Variants in DTNA observed in about 807,000 individuals in gnomAD.
The protein encoded by DTNA is dystrobrevin alpha, also known as dystrophin-related protein 3.
Under a neutral mutation model 100.7 loss-of-function variants are expected in DTNA, and 43 were observed. The ratio of observed to expected loss-of-function variants is 0.43; its 90% CI spans 0.33 to 0.55. The LOEUF is 0.55. Ranked by LOEUF, DTNA falls within the 20% of genes least tolerant of loss-of-function variation. DTNA has a pLI of 0.04. For missense variants in DTNA, 798 were observed against 953.9 expected (o/e 0.84, Z 2.15); for synonymous variants, 349 against 347.9 (o/e 1.00, Z -0.04).
intron 1 of DTNA, among the ~76,000 whole-genome samples, chr18:34,730,434 G>A (rs545436792): frequency 6.4e-4 from 98 of 152,302 alleles, no homozygotes; most frequent in Non-Finnish European, 1.2e-3. Flanking sequence ...GGTTAGTCTG[G>A]AGCTAATTCC....
intron 1 of DTNA, among the ~76,000 whole-genome samples, chr18:34,583,431 C>T (rs1046977014): frequency 6.6e-6 from 1 of 152,020 alleles, no homozygotes; most frequent in African/African-American, 2.4e-5. Flanking sequence ...AGAGTGAAGG[C>T]AGAGAATTAC....
At chr18:34,873,484 G>C (rs1350598593) in intron 17 of DTNA, among the ~76,000 whole-genome samples, 2 of 152,220 alleles carry the variant, frequency 1.3e-5, no homozygotes, top group Non-Finnish European at 2.9e-5. Context: ...TGTCTCCATT[G>C]AGGGACTTTT....
intron 3 of DTNA, among the ~76,000 whole-genome samples, chr18:34,777,240 A>C (rs1237240788): frequency 6.6e-6 from 1 of 152,132 alleles, no homozygotes; most frequent in Non-Finnish European, 1.5e-5. Flanking sequence ...TATCCCCCAT[A>C]CCTGGAACAT....
At chr18:34,572,943 G>C (rs1013382842) in intron 1 of DTNA, among the ~76,000 whole-genome samples, 2 of 152,070 alleles carry the variant, frequency 1.3e-5, no homozygotes, top group African/African-American at 2.4e-5. Flanking sequence ...CCTGAGCCCA[G>C]GGCAAGTCAC....
At chr18:34,872,223 G>C (rs1370658872) in intron 17 of DTNA, among the ~76,000 whole-genome samples, 1 of 152,156 alleles carries the variant, frequency 6.6e-6, no homozygotes, top group Admixed American at 6.5e-5. Context: ...AGACCCACAG[G>C]AATTAGCAGA....
chr18:34,852,121 G>A (rs569370679), intron 15 of DTNA, among the ~76,000 whole-genome samples, 193 bp downstream of exon 15: 2 of 152,146 alleles, frequency 1.3e-5, no homozygotes, highest in Admixed American at 1.3e-4. Context: ...ATGAGAAAAC[G>A]GCGTGTGCAT....
At chr18:34,569,667 T>A (rs1011551499) in intron 1 of DTNA, among the ~76,000 whole-genome samples, 3 of 152,134 alleles carry the variant, frequency 2.0e-5, no homozygotes, top group African/African-American at 7.2e-5. Context: ...GTCAAAAATC[T>A]ACAGAGTGGG....
intron 1 of DTNA, among the ~76,000 whole-genome samples, chr18:34,508,791 C>T (rs1346887413): frequency 6.6e-6 from 1 of 152,136 alleles, no homozygotes; most frequent in Non-Finnish European, 1.5e-5. Flanking sequence ...TTGGATTAGG[C>T]ATCACATTTT....
At chr18:34,602,550 C>T (rs1194956925) in intron 1 of DTNA, among the ~76,000 whole-genome samples, 1 of 152,088 alleles carries the variant, frequency 6.6e-6, no homozygotes, top group East Asian at 1.9e-4. Context: ...CATTTCAACA[C>T]CACAAAACAC....
intron 1 of DTNA, among the ~76,000 whole-genome samples, chr18:34,535,056 A>G (rs896604691): frequency 4.6e-5 from 7 of 152,138 alleles, no homozygotes; most frequent in African/African-American, 1.2e-4. Flanking sequence ...TAGATCCTTG[A>G]GGAATCGCCA....
chr18:34,651,640 A>G (rs146417750), intron 1 of DTNA, among the ~76,000 whole-genome samples: 1 of 152,356 alleles, frequency 6.6e-6, no homozygotes, highest in East Asian at 1.9e-4. Context: ...AGGGCCTACC[A>G]TAAAATGGAA....
chr18:34,776,350 T>C (rs2094047168), intron 3 of DTNA, among the ~76,000 whole-genome samples: 1 of 152,152 alleles, frequency 6.6e-6, no homozygotes, highest in Non-Finnish European at 1.5e-5. Flanking sequence ...TATTTTCTTT[T>C]TGAGACAGAG....
chr18:34,626,778 A>G (rs970447093), intron 1 of DTNA, among the ~76,000 whole-genome samples: 2 of 152,268 alleles, frequency 1.3e-5, no homozygotes, highest in Non-Finnish European at 2.9e-5. Context: ...GAAGCTACAC[A>G]GATGCAGCCT....
In DTNA at chr18:34,859,377, A is replaced by G. The variant is rs527862366; in HGVS notation, c.1646+979A>G. Reference sequence around the variant, plus strand: ...AGGAGCCAGCTCCCGTAAGCGGTTCAAGAGCCCTAGTTACAGAGTTTTCTG... The same window carrying G: ...AGGAGCCAGCTCCCGTAAGCGGTTCGAGAGCCCTAGTTACAGAGTTTTCTG... On this transcript the variant is annotated intron_variant, in intron 16 of 22. Transcript: ENST00000444659. Among the ~76,000 whole-genome samples the G allele has an allele frequency of 1.6e-4, 25 of 152,356 alleles. 1 individual carries two copies. The South Asian group carries it at 5.0e-3, about 30-fold the overall frequency.
intron 10 of DTNA, among the ~76,000 whole-genome samples, chr18:34,828,215 C>T (rs568596934): frequency 1.3e-5 from 2 of 152,284 alleles, no homozygotes; most frequent in South Asian, 2.1e-4. Context: ...ATCTGCATCT[C>T]ATTTCTTTGC....
In DTNA at chr18:34,768,529, A is replaced by C. The variant is rs531369281; in HGVS notation, c.148+2488A>C. Reference sequence around the variant, plus strand: ...ATGCCTCCTGCTCTCTGAGAAAGGCACTTTCTCATTCTTGGGCATTTCCTT... The same window carrying C: ...ATGCCTCCTGCTCTCTGAGAAAGGCCCTTTCTCATTCTTGGGCATTTCCTT... On this transcript the variant is annotated intron_variant, in intron 3 of 22. Transcript: ENST00000444659. 2.6e-5 allele frequency among the ~76,000 whole-genome samples: 4 copies of C among 152,158 alleles called. 1 individual carries two copies. In the East Asian group the frequency reaches 7.7e-4, roughly 29 times the overall value.
chr18:34,562,421 A>G (rs1435471357), intron 1 of DTNA, among the ~76,000 whole-genome samples: 1 of 152,174 alleles, frequency 6.6e-6, no homozygotes, highest in Non-Finnish European at 1.5e-5. Context: ...GGTTGGTGTA[A>G]TCATTCCACT....
chr18:34,584,919 A>T (rs187469032), intron 1 of DTNA, among the ~76,000 whole-genome samples: 47 of 152,324 alleles, frequency 3.1e-4, no homozygotes, highest in African/African-American at 1.1e-3. Flanking sequence ...ACTTCTTAAT[A>T]ACACTGGAAG....
chr18:34,677,103 A>G (rs2145328423), intron 1 of DTNA, among the ~76,000 whole-genome samples: 1 of 152,308 alleles, frequency 6.6e-6, no homozygotes, highest in South Asian at 2.1e-4. Context: ...AGATTAGACA[A>G]CTAACTTCTT....
Sources: allele counts gnomAD v4.1 joint callset (sites outside exome capture counted in the v4.1 genomes callset), GRCh38; gene constraint gnomAD v4.1.1; transcripts MANE v1.5; gene names NCBI Gene and HGNC (gene_info 2026-07-23, HGNC 2026-07-21).